The following ZDHHC2 variants were observed in gnomAD, a reference collection of about 807,000 sequenced individuals.
ZDHHC2 encodes palmitoyltransferase ZDHHC2.
In ZDHHC2, 51 loss-of-function variants were observed where a neutral mutation model predicts 55.6. The ratio of observed to expected loss-of-function variants is 0.92; its 90% confidence interval spans 0.73 to 1.16. The LOEUF is 1.16. Among genes scored for constraint, ZDHHC2 ranks in the 50% most tolerant of loss-of-function variants. The pLI, the probability that ZDHHC2 is intolerant of heterozygous loss-of-function variation, is 0.00. For missense variants in ZDHHC2, 491 were observed against 442.4 expected (o/e 1.11, Z -0.99); for synonymous variants, 199 against 152.9 (o/e 1.30, Z -2.22).
chr8:17,210,224 G>C (rs1404845677), intron 9 of ZDHHC2, 164 bp from the exon 10 acceptor site: 30 of 1,082,492 alleles, frequency 2.8e-5, no homozygotes, highest in Admixed American at 1.2e-4. Context: ...GTGGAAGTCA[G>C]TTAATTCATC....
intron 3 of ZDHHC2, among the ~76,000 whole-genome samples, chr8:17,192,644 C>A (rs1486015630): frequency 6.6e-6 from 1 of 152,056 alleles, no homozygotes; most frequent in Admixed American, 6.6e-5. Flanking sequence ...CCCATTTGTC[C>A]ACTTTTGCTT....
intron 1 of ZDHHC2, among the ~76,000 whole-genome samples, chr8:17,174,865 C>G (rs1264263460): frequency 1.3e-5 from 2 of 151,878 alleles, no homozygotes; most frequent in Non-Finnish European, 2.9e-5. Context: ...TGTGCGCCAC[C>G]ACACCCAGCT....
intron 1 of ZDHHC2, 149 bp from the exon 2 acceptor site, chr8:17,184,640 C>G: frequency 1.5e-6 from 1 of 682,322 alleles, no homozygotes; most frequent in East Asian, 2.8e-5. Flanking sequence ...CTGTGCTCAC[C>G]TCTCCTCCAA....
At chr8:17,169,307 A>G (rs958130507) in intron 1 of ZDHHC2, among the ~76,000 whole-genome samples, 1 of 151,444 alleles carries the variant, frequency 6.6e-6, no homozygotes, top group African/African-American at 2.4e-5. Flanking sequence ...GGGATTGTGA[A>G]GAATCCCATG....
chr8:17,192,933 G>T (rs1033398865), intron 3 of ZDHHC2, among the ~76,000 whole-genome samples: 2 of 152,174 alleles, frequency 1.3e-5, no homozygotes, highest in Admixed American at 6.5e-5. Flanking sequence ...TACTGTAGAT[G>T]TAAGGATTTG....
chr8:17,180,406 C>A lies in ZDHHC2; in HGVS notation c.131-4383C>A, dbSNP rs148683038. ...TAATTCAGATTTACATTATTTTTCA[C>A]CTTTTATTTTCACTCGCCAAGTCTA... On this transcript the variant is annotated intron_variant, in intron 1 of 12. Transcript: ENST00000262096. Among the ~76,000 whole-genome samples, 74 of 152,226 alleles carry A rather than the reference C, an allele frequency of 4.9e-4. No individual in the cohort carries two copies. In the East Asian group the frequency reaches 0.011, roughly 23 times the overall value.
chr8:17,177,632 G>T (rs940885453), intron 1 of ZDHHC2, among the ~76,000 whole-genome samples: 2 of 152,186 alleles, frequency 1.3e-5, no homozygotes, highest in Non-Finnish European at 2.9e-5. Flanking sequence ...TGTAAGCACA[G>T]TATAGTCAAT....
chr8:17,157,388 CTT>C (rs1804115654), intron 1 of ZDHHC2: 1 of 152,810 alleles, frequency 6.5e-6, no homozygotes, highest in Admixed American at 6.5e-5. Flanking sequence ...CAGTTGGACA[CTT>C]TTCTAGTTTA....
At chr8:17,199,501 TC>T (rs1806534102) in intron 6 of ZDHHC2, among the ~76,000 whole-genome samples, 1 of 39,588 alleles carries the variant, frequency 2.5e-5, no homozygotes, top group South Asian at 8.1e-4. Context: ...TTCTTCTTCT[TC>T]TTCTTCTTCT....
At chr8:17,209,885 G>A (rs370101069) in intron 8 of ZDHHC2, 47 bp from the exon 9 acceptor site, 8 of 1,542,506 alleles carry the variant, frequency 5.2e-6, no homozygotes, top group Non-Finnish European at 7.0e-6. Flanking sequence ...AGGATTGCTA[G>A]TAAATATGTT....
intron 1 of ZDHHC2, among the ~76,000 whole-genome samples, chr8:17,175,848 C>T (rs1805100265): frequency 6.6e-6 from 1 of 152,092 alleles, no homozygotes; most frequent in Non-Finnish European, 1.5e-5. Flanking sequence ...TTAAACTGCA[C>T]CCTGAAGGAA....
chr8:17,207,988 T>C lies in ZDHHC2; in HGVS notation c.626T>C (p.Phe209Ser), dbSNP rs201398675. The change falls in exon 8 of 13, where the codon TTC (phenylalanine) becomes TCC (serine). Residue 209 changes from phenylalanine (F) to serine (S), a missense_variant. Transcript: ENST00000262096. ...GGCCTACCTGATACTCAAGCCAAGT[T>C]CCATATTATGTTTTTATTCTTTGCT... ...TNGLPDTQAK[F>S]HIMFLFFAAA... The C allele has an allele frequency of 6.3e-7, 1 of 1,583,150 alleles. No homozygotes were observed. The highest frequency in any genetic ancestry group is 1.3e-5 in the African/African-American group (1 of 74,098).
chr8:17,199,391 C>T (rs1431117000), intron 6 of ZDHHC2, among the ~76,000 whole-genome samples: 1 of 149,948 alleles, frequency 6.7e-6, no homozygotes, highest in African/African-American at 2.5e-5. Context: ...CATTCTTTTG[C>T]CCCCCTGCCC....
chr8:17,197,761 A>C, intron 5 of ZDHHC2, 110 bp downstream of exon 5: 1 of 1,209,460 alleles, frequency 8.3e-7, no homozygotes, highest in Non-Finnish European at 1.2e-6. Flanking sequence ...CTCGCTTCTC[A>C]GCCCTTGATT....
At chr8:17,210,211 A>AAT in intron 9 of ZDHHC2, 153 bp downstream of exon 9, 4 of 1,088,820 alleles carry the variant, frequency 3.7e-6, no homozygotes, top group Non-Finnish European at 5.2e-6. Flanking sequence ...CCATAATATC[A>AAT]GTGTGGAAGT....
chr8:17,207,996 A>T lies in ZDHHC2; in HGVS notation c.634A>T (p.Met212Leu). The change falls in exon 8 of 13, where the codon ATG (methionine) becomes TTG (leucine). Residue 212 changes from methionine (M) to leucine (L), a missense_variant. Met to Leu is a conservative substitution (Grantham distance 15). Coordinates refer to ENST00000262096, the MANE Select transcript of ZDHHC2 (RefSeq NM_016353.5). ...LPDTQAKFHI[M>L]FLFFAAAMFS... ...TGATACTCAAGCCAAGTTCCATATT[A>T]TGTTTTTATTCTTTGCTGCAGCTAT... The T allele has an allele frequency of 6.3e-7, 1 of 1,589,646 alleles. No individual in the cohort carries two copies. The highest frequency in any genetic ancestry group is 8.6e-7 in the Non-Finnish European group (1 of 1,167,218).
chr8:17,163,915 A>C (rs1804478320), intron 1 of ZDHHC2, among the ~76,000 whole-genome samples: 1 of 152,236 alleles, frequency 6.6e-6, no homozygotes, highest in African/African-American at 2.4e-5. Context: ...GGTTTTTAAT[A>C]GTCCATTAGA....
chr8:17,183,356 T>G (rs181066823), intron 1 of ZDHHC2, among the ~76,000 whole-genome samples: 66 of 152,282 alleles, frequency 4.3e-4, no homozygotes, highest in African/African-American at 1.5e-3. Flanking sequence ...GGCGGTAGGT[T>G]CAGATATTAA....
chr8:17,202,978 C>A (rs1251166873), intron 6 of ZDHHC2, among the ~76,000 whole-genome samples: 2 of 151,842 alleles, frequency 1.3e-5, no homozygotes, highest in Non-Finnish European at 1.5e-5. Flanking sequence ...GCTTATATTC[C>A]TTCAGGAAGA....
Sources: gnomAD v4.1 joint callset for allele counts (sites outside exome capture counted in the v4.1 genomes callset) on GRCh38, gnomAD v4.1.1 for gene constraint, MANE v1.5 for transcripts, NCBI Gene and HGNC (gene_info 2026-07-23, HGNC 2026-07-21) for gene names.